Variants in SLC9A4 observed in about 807,000 individuals in gnomAD.
SLC9A4 encodes solute carrier family 9 member A4.
A neutral mutation model predicts 67.4 loss-of-function variants in SLC9A4; 63 were observed. The observed-to-expected ratio is 0.93, with a 90% CI of 0.76 to 1.15. The LOEUF is 1.15. Among genes scored for constraint, SLC9A4 ranks in the 50% most tolerant of loss-of-function variants. SLC9A4 has a pLI of 0.00. For synonymous variants in SLC9A4, 393 were observed against 367.2 expected (o/e 1.07, Z -0.80); for missense variants, 1,089 against 987.7 (o/e 1.10, Z -1.38).
chr2:102,529,777 T>C (rs546036835), intron 11 of SLC9A4, among the ~76,000 whole-genome samples: 1 of 152,340 alleles, frequency 6.6e-6, no homozygotes, highest in African/African-American at 2.4e-5. Flanking sequence ...CTTCCCTTCC[T>C]AGCTCTCCCC....
At position 102,473,604 on chromosome 2, in the gene SLC9A4, C is replaced by G; in HGVS notation, c.-156C>G. 8.2e-6 allele frequency: 7 copies of G among 850,354 alleles called. No homozygotes were observed. The South Asian group carries it at 1.1e-4, about 13-fold the overall frequency. 52.7% of individuals were successfully genotyped at this position (850,354 alleles called of 1,614,324 possible). On this transcript the variant is annotated 5_prime_UTR_variant, in exon 1 of 12. Transcript: ENST00000295269. ...GATTAGAAAGTGTCTACATACAGAG[C>G]TCAATAACACACTCGGAATCTTCTT...
chr2:102,482,323 C>T (rs748588453), intron 2 of SLC9A4, among the ~76,000 whole-genome samples: 1 of 152,174 alleles, frequency 6.6e-6, no homozygotes, highest in Non-Finnish European at 1.5e-5. Context: ...GTTATTAAAA[C>T]CTCAGATGAC....
At chr2:102,514,631 C>G (rs1388637212) in intron 8 of SLC9A4, among the ~76,000 whole-genome samples, 1 of 152,216 alleles carries the variant, frequency 6.6e-6, no homozygotes, top group East Asian at 1.9e-4. Context: ...TAAGCCATTT[C>G]TCTTCCTCTT....
chr2:102,476,308 T>G (rs1684331321), intron 1 of SLC9A4, among the ~76,000 whole-genome samples: 1 of 152,262 alleles, frequency 6.6e-6, no homozygotes, highest in Admixed American at 6.5e-5. Context: ...GTTCTTTGAC[T>G]TTCAGACAGG....
At chr2:102,482,237 G>C (rs189724796) in intron 2 of SLC9A4, among the ~76,000 whole-genome samples, 8 of 152,306 alleles carry the variant, frequency 5.3e-5, no homozygotes, top group Admixed American at 2.6e-4. Context: ...TGGTGGGACT[G>C]ATGAGTCTTC....
intron 2 of SLC9A4, among the ~76,000 whole-genome samples, chr2:102,482,103 A>C (rs1379254898): frequency 1.3e-5 from 2 of 152,204 alleles, no homozygotes; most frequent in Non-Finnish European, 2.9e-5. Context: ...CCTTGCGGGC[A>C]AGCTTCACAA....
chr2:102,521,881 CAG>C (rs1311744927), intron 9 of SLC9A4, among the ~76,000 whole-genome samples: 1 of 152,176 alleles, frequency 6.6e-6, no homozygotes, highest in Admixed American at 6.5e-5. Flanking sequence ...AGGATGAATG[CAG>C]AGTTTGACTC....
intron 2 of SLC9A4, among the ~76,000 whole-genome samples, chr2:102,489,389 GA>G (rs1206269913): frequency 6.6e-6 from 1 of 152,182 alleles, no homozygotes; most frequent in Non-Finnish European, 1.5e-5. Flanking sequence ...GGTAGTTATA[GA>G]AATGAAAATC....
chr2:102,523,544 G>A (rs1346096704), intron 9 of SLC9A4, among the ~76,000 whole-genome samples: 1 of 152,052 alleles, frequency 6.6e-6, no homozygotes, highest in African/African-American at 2.4e-5. Context: ...TATTTGTTTG[G>A]ATAAAAATCA....
At position 102,475,778 on chromosome 2, in the gene SLC9A4, T is replaced by C. The variant is rs573182009; in HGVS notation, c.256+1763T>C. Among the ~76,000 whole-genome samples, 13 of 152,344 alleles carry C rather than the reference T, an allele frequency of 8.5e-5. 1 individual carries two copies. The South Asian group carries it at 2.7e-3, about 32-fold the overall frequency. ...ATAAAAAGGCCATATTTATTGAATATATACTATGTGCCAATTACTGGGCTG... is the reference window on the plus strand; with the variant it reads ...ATAAAAAGGCCATATTTATTGAATACATACTATGTGCCAATTACTGGGCTG... On this transcript the variant is annotated intron_variant, in intron 1 of 11. Transcript: ENST00000295269.
At chr2:102,520,430 A>G (rs1685380576) in intron 9 of SLC9A4, among the ~76,000 whole-genome samples, 1 of 152,222 alleles carries the variant, frequency 6.6e-6, no homozygotes, top group African/African-American at 2.4e-5. Flanking sequence ...TTATTTCTCA[A>G]TTTTGGAACT....
intron 11 of SLC9A4, among the ~76,000 whole-genome samples, chr2:102,531,159 T>C (rs1674772883): frequency 6.7e-6 from 1 of 149,506 alleles, no homozygotes; most frequent in African/African-American, 2.5e-5. Context: ...GCCTCCCAGG[T>C]TCACGTCATT....
intron 1 of SLC9A4, among the ~76,000 whole-genome samples, chr2:102,474,231 G>C (rs1246445220): frequency 6.6e-6 from 1 of 152,118 alleles, no homozygotes; most frequent in African/African-American, 2.4e-5. Flanking sequence ...CATACTTCTG[G>C]GTACTGGGCT....
chr2:102,524,320 A>T (rs1674613576), intron 9 of SLC9A4, among the ~76,000 whole-genome samples: 1 of 152,184 alleles, frequency 6.6e-6, no homozygotes, highest in Non-Finnish European at 1.5e-5. Flanking sequence ...GAGCACCAGG[A>T]GGGAGAAGAA....
intron 2 of SLC9A4, among the ~76,000 whole-genome samples, chr2:102,492,196 G>A (rs1486463278): frequency 6.6e-6 from 1 of 152,246 alleles, no homozygotes; most frequent in African/African-American, 2.4e-5. Context: ...GGTACAAGCT[G>A]TCAGTGGATC....
chr2:102,498,751 C>T (rs1684861520), intron 2 of SLC9A4, among the ~76,000 whole-genome samples: 1 of 152,196 alleles, frequency 6.6e-6, no homozygotes, highest in Non-Finnish European at 1.5e-5. Flanking sequence ...TCATATGTCA[C>T]ATTTTTTTTC....
chr2:102,531,800 C>G (rs1674783767), intron 11 of SLC9A4, among the ~76,000 whole-genome samples: 1 of 152,228 alleles, frequency 6.6e-6, no homozygotes, highest in African/African-American at 2.4e-5. Context: ...AGGAGGGCAT[C>G]CGGTCACGCC....
At chr2:102,478,634 C>A (rs1211400637) in intron 1 of SLC9A4, among the ~76,000 whole-genome samples, 34 of 152,172 alleles carry the variant, frequency 2.2e-4, no homozygotes, top group Admixed American at 2.2e-3. Flanking sequence ...GTGAATGATT[C>A]TGTGACCTGC....
chr2:102,474,587 C>A (rs1332772681), intron 1 of SLC9A4, among the ~76,000 whole-genome samples: 1 of 152,128 alleles, frequency 6.6e-6, no homozygotes, highest in Non-Finnish European at 1.5e-5. Flanking sequence ...TAGTTTATAC[C>A]TACCAAGTGG....
Sources: gnomAD v4.1 joint callset for allele counts (sites outside exome capture counted in the v4.1 genomes callset) on GRCh38, gnomAD v4.1.1 for gene constraint, MANE v1.5 for transcripts, NCBI Gene and HGNC (gene_info 2026-07-23, HGNC 2026-07-21) for gene names.